Variants in TOM1L2 observed in about 807,000 individuals in gnomAD.
The protein encoded by TOM1L2 is TOM1-like protein 2.
TOM1L2 carries 31 observed loss-of-function variants against 67.9 expected under a neutral mutation model. The ratio of observed to expected loss-of-function variants is 0.46; its 90% CI spans 0.34 to 0.62. The LOEUF (loss-of-function observed/expected upper bound fraction) is 0.62. Among genes scored for constraint, TOM1L2 ranks in the 20% least tolerant of loss-of-function variants. The probability of loss-of-function intolerance (pLI) is 0.01; values close to 1 mark genes in which losing one functional copy is unlikely to be tolerated. For missense variants in TOM1L2, 606 were observed against 663.5 expected (o/e 0.91, Z 0.95); for synonymous variants, 256 against 254.0 (o/e 1.01, Z -0.07).
At chr17:17,953,614 A>G (rs1371535366) in intron 1 of TOM1L2, among the ~76,000 whole-genome samples, 2 of 152,230 alleles carry the variant, frequency 1.3e-5, no homozygotes, top group Non-Finnish European at 2.9e-5. Flanking sequence ...CAGCATGCAC[A>G]TGGATGGGGT....
At chr17:17,891,205 A>G (rs895750866) in intron 4 of TOM1L2, among the ~76,000 whole-genome samples, 1 of 152,218 alleles carries the variant, frequency 6.6e-6, no homozygotes, top group Non-Finnish European at 1.5e-5. Context: ...CAGCAGGGGG[A>G]GGCCTCAGAA....
intron 3 of TOM1L2, among the ~76,000 whole-genome samples, chr17:17,898,216 G>A (rs184674027): frequency 5.3e-5 from 8 of 152,194 alleles, no homozygotes; most frequent in African/African-American, 1.7e-4. Context: ...GAGTCACCGC[G>A]CCTGGCCAAC....
intron 12 of TOM1L2, among the ~76,000 whole-genome samples, chr17:17,856,379 A>G (rs2036252599): frequency 6.6e-6 from 1 of 152,298 alleles, no homozygotes; most frequent in Non-Finnish European, 1.5e-5. Flanking sequence ...GTATGCTGCT[A>G]CTATGAGAGG....
At chr17:17,903,281 A>G (rs975099857) in intron 2 of TOM1L2, among the ~76,000 whole-genome samples, 3 of 152,174 alleles carry the variant, frequency 2.0e-5, no homozygotes, top group African/African-American at 7.2e-5. Flanking sequence ...TTTAACAAAT[A>G]TTTATTAACA....
At position 17,866,329 on chromosome 17, in the gene TOM1L2, G is replaced by A. The variant is rs775753326; in HGVS notation, c.1051C>T (p.Pro351Ser). Reference sequence around the variant, plus strand: ...GCAAGCTGGGAGGAGAGGGAAGATGGGGGCGCTGTGTTCCCCACCATTGGG... The same window carrying A: ...GCAAGCTGGGAGGAGAGGGAAGATGAGGGCGCTGTGTTCCCCACCATTGGG... The part of the protein sequence containing the change: ...VSPMVGNTAP[P>S]SSLSSQLAGL... The change falls in exon 10 of 15, where the codon CCA becomes TCA. Residue 351 changes from proline to serine, a missense_variant. Coordinates refer to ENST00000379504, the MANE Select transcript of TOM1L2 (RefSeq NM_001082968.2). 3 of 1,612,706 alleles carry A rather than the reference G, an allele frequency of 1.9e-6. No individual in the cohort carries two copies. In the Admixed American group the frequency reaches 5.0e-5, roughly 27 times the overall value.
At chr17:17,894,975 A>ACATACATGCATGCATGCATGCATGCATG (rs1555598776) in intron 3 of TOM1L2, among the ~76,000 whole-genome samples, 1 of 147,692 alleles carries the variant, frequency 6.8e-6, no homozygotes, top group African/African-American at 2.5e-5. Flanking sequence ...ATACATACAT[A>ACATACATGCATGCATGCATGCATGCATG]CATGCATGCA....
At chr17:17,865,965 C>T (rs2036826246) in intron 10 of TOM1L2, among the ~76,000 whole-genome samples, 1 of 152,006 alleles carries the variant, frequency 6.6e-6, no homozygotes, top group African/African-American at 2.4e-5. Flanking sequence ...TGGTCTCAAA[C>T]TCCTGACCTC....
At chr17:17,895,155 G>A (rs1300419297) in intron 3 of TOM1L2, among the ~76,000 whole-genome samples, 1 of 152,100 alleles carries the variant, frequency 6.6e-6, no homozygotes, top group Non-Finnish European at 1.5e-5. Flanking sequence ...GAATTCGGAG[G>A]TGCCAACTGG....
At chr17:17,913,156 C>A (rs953497014) in intron 1 of TOM1L2, among the ~76,000 whole-genome samples, 1 of 119,868 alleles carries the variant, frequency 8.3e-6, no homozygotes, top group Non-Finnish European at 1.8e-5. Flanking sequence ...AGCTTCGGCT[C>A]GGCATGAGAG....
chr17:17,922,637 C>A (rs866582327), intron 1 of TOM1L2, among the ~76,000 whole-genome samples: 2 of 152,344 alleles, frequency 1.3e-5, no homozygotes, highest in African/African-American at 4.8e-5. Flanking sequence ...CTCTGAATTT[C>A]ATCCATAAAA....
chr17:17,921,391 G>C (rs2039862030), intron 1 of TOM1L2, among the ~76,000 whole-genome samples: 1 of 152,258 alleles, frequency 6.6e-6, no homozygotes, highest in South Asian at 2.1e-4. Context: ...GATTTAAAAT[G>C]CATTTGGGGT....
intron 1 of TOM1L2, among the ~76,000 whole-genome samples, chr17:17,932,311 G>A (rs981525868): frequency 2.0e-5 from 3 of 151,954 alleles, no homozygotes; most frequent in Admixed American, 6.6e-5. Flanking sequence ...TTTATTTTTT[G>A]TAGAGACAGA....
intron 1 of TOM1L2, among the ~76,000 whole-genome samples, chr17:17,933,144 C>A (rs1343779452): frequency 6.6e-6 from 1 of 152,278 alleles, no homozygotes; most frequent in South Asian, 2.1e-4. Context: ...GACCCAGGAA[C>A]TTTTTGTCTT....
intron 1 of TOM1L2, among the ~76,000 whole-genome samples, chr17:17,921,326 G>GGCTAACTTGGGTC (rs2039859655): frequency 6.6e-6 from 1 of 152,218 alleles, no homozygotes; most frequent in Non-Finnish European, 1.5e-5. Context: ...ACACAGGCCC[G>GGCTAACTTGGGTC]AGGCTGCTGA....
At chr17:17,851,184 G>A in intron 12 of TOM1L2, 1 of 554,902 alleles carries the variant, frequency 1.8e-6, no homozygotes, top group Non-Finnish European at 3.2e-6. Flanking sequence ...CTCCCGGCAG[G>A]GCCGGCGGTA....
chr17:17,876,780 T>C (rs910805059), intron 7 of TOM1L2, among the ~76,000 whole-genome samples: 2 of 152,186 alleles, frequency 1.3e-5, no homozygotes, highest in Non-Finnish European at 2.9e-5. Flanking sequence ...CCTGTGTAAT[T>C]TGTATGCCTG....
chr17:17,943,058 T>C (rs2040801653), intron 1 of TOM1L2, among the ~76,000 whole-genome samples: 1 of 152,222 alleles, frequency 6.6e-6, no homozygotes, highest in Admixed American at 6.5e-5. Context: ...AAGATTGGAT[T>C]GGCCAGATGC....
intron 1 of TOM1L2, among the ~76,000 whole-genome samples, chr17:17,908,640 A>G (rs567458006): frequency 1.2e-3 from 177 of 152,342 alleles, no homozygotes; most frequent in African/African-American, 4.2e-3. Context: ...TTCAATAGAC[A>G]TTTCTCCAAA....
chr17:17,918,829 C>T (rs772321994), intron 1 of TOM1L2, among the ~76,000 whole-genome samples: 3 of 152,132 alleles, frequency 2.0e-5, no homozygotes, highest in Non-Finnish European at 1.5e-5. Flanking sequence ...TCTTCTTGGC[C>T]CCCAACCCCA....
Sources: allele counts gnomAD v4.1 joint callset (sites outside exome capture counted in the v4.1 genomes callset), GRCh38; gene constraint gnomAD v4.1.1; transcripts MANE v1.5; gene names NCBI Gene and HGNC (gene_info 2026-07-23, HGNC 2026-07-21).